Variants in TNRC6B observed in about 807,000 individuals in gnomAD.
TNRC6B encodes the protein trinucleotide repeat containing adaptor 6B, also known as trinucleotide repeat-containing gene 6B protein.
In TNRC6B, 52 loss-of-function variants were observed where a neutral mutation model predicts 203.6. That is an observed-to-expected ratio of 0.26 (90% confidence interval 0.20 to 0.32). TNRC6B has a LOEUF of 0.32. TNRC6B is among the 10% of genes least tolerant of loss of function. The pLI, the probability that TNRC6B is intolerant of heterozygous loss-of-function variation, is 1.00. For synonymous variants in TNRC6B, 838 were observed against 845.7 expected (o/e 0.99, Z 0.16); for missense variants, 1,923 against 2,286.2 (o/e 0.84, Z 3.24).
Position 40,334,814 on chromosome 22 carries a change from C to G in TNRC6B, c.*11573C>G, listed in dbSNP as rs2146597486. The G allele has an allele frequency of 1.3e-5, 2 of 152,626 alleles. No individual in the cohort carries two copies. The highest frequency in any genetic ancestry group is 6.8e-3 in the Middle Eastern group (2 of 294). The allele number at this position is 152,626 out of a possible 1,614,324, so 9.5% of individuals were successfully genotyped here. A position where few individuals can be genotyped will look rare whatever the true frequency, so the allele number is the denominator to read the frequency against. The stretch of plus-strand genomic sequence containing the variant: ...CCTCTCCTCCTCCCTCCACGTCTCT[C>G]TTTGCCCCCTTTAGACAGAAGGTGC... On this transcript the variant is annotated 3_prime_UTR_variant, in exon 23 of 23. Coordinates refer to ENST00000454349, the MANE Select transcript of TNRC6B (RefSeq NM_001162501.2).
chr22:40,247,462 A>G (rs62238014), intron 2 of TNRC6B, among the ~76,000 whole-genome samples: 17,943 of 152,252 alleles, frequency 0.12, 1,100 homozygotes, highest in South Asian at 0.15. Flanking sequence ...ATAATTTGTG[A>G]GTATCAGCAT....
At chr22:40,159,861 G>A (rs1404718550) in intron 4 of TNRC6B, among the ~76,000 whole-genome samples, 1 of 151,804 alleles carries the variant, frequency 6.6e-6, no homozygotes. Flanking sequence ...ACCTAGGCTA[G>A]GGTGCAATGG....
At chr22:40,229,445 CT>C (rs796133952) in intron 1 of TNRC6B, among the ~76,000 whole-genome samples, 4,633 of 145,232 alleles carry the variant, frequency 0.032, 199 homozygotes, top group African/African-American at 0.11. Context: ...GTAGGAAAGG[CT>C]TTTTTTTTTT....
At chr22:40,177,176 C>T (rs2069071138), upstream of TNRC6B, among the ~76,000 whole-genome samples, 1 of 152,116 alleles carries the variant, frequency 6.6e-6, no homozygotes, top group Non-Finnish European at 1.5e-5. Flanking sequence ...GCCTAGGCTC[C>T]CTCAGCTGCA....
At chr22:40,252,707 A>G (rs937976172) in intron 3 of TNRC6B, among the ~76,000 whole-genome samples, 1 of 152,262 alleles carries the variant, frequency 6.6e-6, no homozygotes, top group South Asian at 2.1e-4. Flanking sequence ...GTTTCAGCCC[A>G]GAAGTAGGCT....
intron 11 of TNRC6B, among the ~76,000 whole-genome samples, chr22:40,283,949 A>G (rs2146526281): frequency 6.6e-6 from 1 of 152,374 alleles, no homozygotes; most frequent in East Asian, 1.9e-4. Context: ...TGAATAATTG[A>G]CATCTAATAA....
Position 40,280,082 on chromosome 22 carries a change from G to C in TNRC6B, c.3350G>C (p.Gly1117Ala), listed in dbSNP as rs2070704079. 6.2e-7 allele frequency: 1 copy of C among 1,613,664 alleles called. No individual in the cohort carries two copies. Among genetic ancestry groups the C allele is most frequent in the Non-Finnish European group, 8.5e-7 (1 of 1,179,764 alleles). ...GATATCATGAGGAAGGATCGATCTGGGTTCCGTCCACCTAATTCCAAAGAC... is the reference window on the plus strand; with the variant it reads ...GATATCATGAGGAAGGATCGATCTGCGTTCCGTCCACCTAATTCCAAAGAC... ...FNDIMRKDRSGFRPPNSKDMG... is the reference protein window; with the variant it reads ...FNDIMRKDRSAFRPPNSKDMG... The change falls in exon 10 of 23, where the codon GGG (glycine) becomes GCG (alanine). Residue 1117 changes from glycine to alanine, a missense_variant. This residue lies in a region of TNRC6B where 599 missense variants were observed against 656.5 expected (regional missense o/e 0.91). Transcript: ENST00000454349.
intron 1 of TNRC6B, among the ~76,000 whole-genome samples, chr22:40,075,156 A>ATATATATATATATATAT: frequency 2.8e-5 from 1 of 35,558 alleles, no homozygotes; most frequent in African/African-American, 1.0e-4. Context: ...ATATATATAT[A>ATATATATATATATATAT]TTTTTTTTTT....
intron 1 of TNRC6B, among the ~76,000 whole-genome samples, chr22:40,097,326 G>A (rs1363946035): frequency 1.3e-5 from 2 of 151,826 alleles, no homozygotes; most frequent in Non-Finnish European, 2.9e-5. Flanking sequence ...AAGACAGCCA[G>A]ACAGGGTCTT....
At chr22:40,274,181 G>A (rs1481369128) in intron 7 of TNRC6B, among the ~76,000 whole-genome samples, 1 of 151,896 alleles carries the variant, frequency 6.6e-6, no homozygotes, top group Middle Eastern at 3.2e-3. Context: ...TCTTTTGGAG[G>A]CTCTCAAGGC....
At chr22:40,160,398 C>G (rs2068861603) in intron 4 of TNRC6B, among the ~76,000 whole-genome samples, 1 of 149,724 alleles carries the variant, frequency 6.7e-6, no homozygotes, top group African/African-American at 2.5e-5. Context: ...ATGGCTTGCA[C>G]CTGGGAGGCG....
chr22:40,190,823 T>C (rs564690761), intron 1 of TNRC6B, among the ~76,000 whole-genome samples: 147 of 152,336 alleles, frequency 9.6e-4, no homozygotes, highest in African/African-American at 3.5e-3. Flanking sequence ...AGCATTGGCA[T>C]GCTGGGTAGA....
At chr22:40,290,512 T>C (rs2070855870) in intron 12 of TNRC6B, among the ~76,000 whole-genome samples, 1 of 152,226 alleles carries the variant, frequency 6.6e-6, no homozygotes, top group African/African-American at 2.4e-5. Context: ...TCCAGCCAAG[T>C]GGCCCCCACA....
At chr22:40,153,837 A>G (rs2068784075) in intron 3 of TNRC6B, among the ~76,000 whole-genome samples, 1 of 151,244 alleles carries the variant, frequency 6.6e-6, no homozygotes, top group African/African-American at 2.4e-5. Context: ...TTTTTAAATA[A>G]TGTATATGTA....
chr22:40,232,353 C>T (rs1313687263), intron 1 of TNRC6B, among the ~76,000 whole-genome samples: 2 of 152,178 alleles, frequency 1.3e-5, no homozygotes, highest in Non-Finnish European at 1.5e-5. Context: ...AAAACCAGGT[C>T]GTGAGTGGAA....
chr22:40,290,785 A>G (rs2146534476), intron 12 of TNRC6B, among the ~76,000 whole-genome samples: 1 of 152,174 alleles, frequency 6.6e-6, no homozygotes, highest in Non-Finnish European at 1.5e-5. Context: ...GAGCCTGAGC[A>G]GGGCATGTAT....
chr22:40,047,393 G>C (rs2146259354), intron 1 of TNRC6B, among the ~76,000 whole-genome samples: 1 of 151,152 alleles, frequency 6.6e-6, no homozygotes, highest in African/African-American at 2.5e-5. Flanking sequence ...CTTGAGGTCA[G>C]GAGTTGGAGA....
rs139656546 is a variant in TNRC6B, at chr22:40,180,126, T to G, written c.5+1986T>G. ...ACGGCTTGAATTTAAAGGGAAAAGA[T>G]AGAGAAATTACCTTAGTGATAGAGA... On this transcript the variant is annotated intron_variant, in intron 1 of 22. Transcript: ENST00000454349. 2.5e-3 allele frequency among the ~76,000 whole-genome samples: 383 copies of G among 152,318 alleles called. 2 individuals carry two copies. The highest frequency in any genetic ancestry group is 8.1e-3 in the African/African-American group (335 of 41,580).
At chr22:40,152,061 A>T (rs2068762643) in intron 3 of TNRC6B, among the ~76,000 whole-genome samples, 1 of 152,192 alleles carries the variant, frequency 6.6e-6, no homozygotes, top group African/African-American at 2.4e-5. Context: ...AATAAATAAA[A>T]AAAGAACCTT....
Sources: allele counts gnomAD v4.1 joint callset (sites outside exome capture counted in the v4.1 genomes callset), GRCh38; gene constraint gnomAD v4.1.1; regional missense constraint gnomAD v4.1.1; transcripts MANE v1.5; gene names NCBI Gene and HGNC (gene_info 2026-07-23, HGNC 2026-07-21).